Variants in DENND5B observed in about 807,000 individuals in gnomAD.
The protein encoded by DENND5B is DENN domain containing 5B.
DENND5B carries 34 observed loss-of-function variants against 140.6 expected under a neutral mutation model. The ratio of observed to expected loss-of-function variants is 0.24; its 90% confidence interval spans 0.18 to 0.32. The LOEUF is 0.32. Among genes scored for constraint, DENND5B ranks in the 10% least tolerant of loss-of-function variants. The pLI is 1.00. For synonymous variants in DENND5B, 551 were observed against 562.1 expected (o/e 0.98, Z 0.28); for missense variants, 1,142 against 1,560.2 (o/e 0.73, Z 4.52).
chr12:31,409,543 A>G (rs368774172), intron 13 of DENND5B, among the ~76,000 whole-genome samples, 159 bp from the exon 14 acceptor site: 1 of 146,326 alleles, frequency 6.8e-6, no homozygotes, highest in Non-Finnish European at 1.5e-5. Context: ...CAATGGTGCA[A>G]TCTCAGCTCA....
At chr12:31,588,139 T>G (rs1259359) in intron 1 of DENND5B, among the ~76,000 whole-genome samples, 124,308 of 152,076 alleles carry the variant, frequency 0.82, 51,128 homozygotes, top group African/African-American at 0.9. Context: ...CACAAACTAG[T>G]GACTGTCCCA....
chr12:31,436,272 G>C (rs910773387), intron 7 of DENND5B, among the ~76,000 whole-genome samples: 1 of 151,522 alleles, frequency 6.6e-6, no homozygotes, highest in African/African-American at 2.4e-5. Context: ...GCTAATTTTA[G>C]TATTGTTTAG....
At chr12:31,443,163 C>A (rs1291331667) in intron 6 of DENND5B, among the ~76,000 whole-genome samples, 1 of 152,146 alleles carries the variant, frequency 6.6e-6, no homozygotes, top group Non-Finnish European at 1.5e-5. Flanking sequence ...GCAATCTCTA[C>A]CTCCTGGGTT....
chr12:31,545,915 C>T (rs2139200553), intron 1 of DENND5B, among the ~76,000 whole-genome samples: 1 of 116,680 alleles, frequency 8.6e-6, no homozygotes, highest in East Asian at 2.8e-4. Flanking sequence ...CACAACACTG[C>T]ACTCCAGTAT....
chr12:31,503,688 T>C (rs879455263), intron 1 of DENND5B, among the ~76,000 whole-genome samples: 13 of 152,382 alleles, frequency 8.5e-5, no homozygotes, highest in Non-Finnish European at 1.3e-4. Flanking sequence ...GCAGAAACTC[T>C]TGGCTATGTT....
At chr12:31,446,469 T>C (rs567473301) in intron 6 of DENND5B, among the ~76,000 whole-genome samples, 5 of 152,314 alleles carry the variant, frequency 3.3e-5, no homozygotes, top group African/African-American at 9.6e-5. Context: ...TTAATTTCAA[T>C]AAGTGAAGCT....
At chr12:31,505,400 C>T (rs922360539) in intron 1 of DENND5B, among the ~76,000 whole-genome samples, 8 of 151,936 alleles carry the variant, frequency 5.3e-5, no homozygotes, top group Non-Finnish European at 1.2e-4. Context: ...CCATGCCCAG[C>T]TAATTTTTGT....
At chr12:31,555,973 G>A (rs1307940782) in intron 1 of DENND5B, among the ~76,000 whole-genome samples, 1 of 152,220 alleles carries the variant, frequency 6.6e-6, no homozygotes, top group Non-Finnish European at 1.5e-5. Context: ...TCTTTGACTA[G>A]GAAAGGGAAT....
rs1179841458 is a variant in DENND5B, at chr12:31,383,131, C to A, written c.*4472G>T. The A allele has an allele frequency of 6.6e-6, 1 of 152,112 alleles. No individual in the cohort carries two copies. The highest frequency in any genetic ancestry group is 1.5e-5 in the Non-Finnish European group (1 of 68,004). The allele number at this position is 152,112 out of a possible 1,614,324, so 9.4% of individuals were successfully genotyped here. On this transcript the variant is annotated 3_prime_UTR_variant, in exon 21 of 21. Transcript: ENST00000389082. ...GCTAAAGTTCAGATTGTCTTTTCAA[C>A]ATAGTGAAAAGGATACACTAGTTTC...
chr12:31,466,626 A>G (rs1259241), intron 3 of DENND5B, among the ~76,000 whole-genome samples: 122,359 of 152,076 alleles, frequency 0.8, 49,613 homozygotes, highest in African/African-American at 0.89. Flanking sequence ...CCAGGAGGCG[A>G]AGGTTACAGT....
In DENND5B at chr12:31,424,691, A is replaced by G; in HGVS notation, c.2239-4T>C. 6.2e-7 allele frequency: 1 copy of G among 1,613,910 alleles called. No individual in the cohort carries two copies. The highest frequency in any genetic ancestry group is 8.5e-7 in the Non-Finnish European group (1 of 1,179,842). The stretch of plus-strand genomic sequence containing the variant: ...TCTCCACCAACATGCGCTTTGTCTA[A>G]GAATATCACGTGTAGTCATAAGGCA... On this transcript the variant is annotated splice_polypyrimidine_tract_variant and splice_region_variant and intron_variant, in intron 9 of 20. Transcript: ENST00000389082.
intron 2 of DENND5B, among the ~76,000 whole-genome samples, chr12:31,481,358 G>A (rs909037518): frequency 6.6e-6 from 1 of 152,144 alleles, no homozygotes; most frequent in African/African-American, 2.4e-5. Flanking sequence ...TGGTGGGAAG[G>A]ACAGACATGG....
At chr12:31,392,492 T>C in intron 18 of DENND5B, 99 bp from the exon 19 acceptor site, 1 of 1,558,262 alleles carries the variant, frequency 6.4e-7, no homozygotes, top group South Asian at 1.2e-5. Flanking sequence ...ATATGAAGCA[T>C]GTTTTTACAG....
chr12:31,434,039 T>G (rs1344922468), intron 7 of DENND5B, among the ~76,000 whole-genome samples: 2 of 152,172 alleles, frequency 1.3e-5, no homozygotes, highest in African/African-American at 4.8e-5. Context: ...TCCTCATCTG[T>G]AAAGTCTAAG....
intron 19 of DENND5B, among the ~76,000 whole-genome samples, chr12:31,390,096 T>C (rs1941046845): frequency 6.6e-6 from 1 of 152,226 alleles, no homozygotes; most frequent in African/African-American, 2.4e-5. Flanking sequence ...ATCTAGGCCT[T>C]ATTTAGAAAA....
At chr12:31,468,586 C>G (rs970856756) in intron 3 of DENND5B, among the ~76,000 whole-genome samples, 1 of 151,730 alleles carries the variant, frequency 6.6e-6, no homozygotes, top group East Asian at 1.9e-4. Flanking sequence ...GCAGGAGGAT[C>G]GCTTGGACCC....
chr12:31,477,042 C>T (rs1198301238), intron 3 of DENND5B, among the ~76,000 whole-genome samples: 2 of 151,992 alleles, frequency 1.3e-5, no homozygotes, highest in African/African-American at 2.4e-5. Context: ...GCCTGACCAA[C>T]ATGGTGAAAA....
intron 3 of DENND5B, among the ~76,000 whole-genome samples, chr12:31,468,196 A>G (rs1004206227): frequency 6.6e-6 from 1 of 152,170 alleles, no homozygotes; most frequent in African/African-American, 2.4e-5. Flanking sequence ...TGAGGCTGCC[A>G]TAAGCTGTGA....
intron 15 of DENND5B, among the ~76,000 whole-genome samples, chr12:31,401,149 C>A (rs1026823794): frequency 6.6e-6 from 1 of 152,070 alleles, no homozygotes; most frequent in African/African-American, 2.4e-5. Context: ...GCCAGAGCTA[C>A]GAGTTCTTAA....
Sources: gnomAD v4.1 joint callset for allele counts (sites outside exome capture counted in the v4.1 genomes callset) on GRCh38, gnomAD v4.1.1 for gene constraint, MANE v1.5 for transcripts, NCBI Gene and HGNC (gene_info 2026-07-23, HGNC 2026-07-21) for gene names.